Variants in KIF16B observed in about 807,000 individuals in gnomAD.
KIF16B encodes the protein kinesin-like protein KIF16B.
KIF16B carries 98 observed loss-of-function variants against 156.3 expected under a neutral mutation model. That is an observed-to-expected ratio of 0.63 (90% CI 0.53 to 0.74). The LOEUF is 0.74. Ranked by LOEUF, KIF16B falls within the 30% of genes least tolerant of loss-of-function variation. KIF16B has a pLI of 0.00. For missense variants in KIF16B, 1,421 were observed against 1,606.5 expected (o/e 0.88, Z 1.97); for synonymous variants, 564 against 583.7 (o/e 0.97, Z 0.49).
intron 1 of KIF16B, among the ~76,000 whole-genome samples, chr20:16,530,270 G>A (rs760673504): frequency 5.9e-5 from 9 of 152,278 alleles, no homozygotes; most frequent in East Asian, 1.9e-4. Context: ...TGTCGTGTGC[G>A]ATCCTTGCCC....
intron 23 of KIF16B, among the ~76,000 whole-genome samples, chr20:16,354,551 C>T (rs1472631558): frequency 6.6e-6 from 1 of 151,528 alleles, no homozygotes; most frequent in Non-Finnish European, 1.5e-5. Context: ...AGAAATTGAC[C>T]AGGAGATAGA....
chr20:16,356,414 G>C lies in KIF16B; in HGVS notation c.3537C>G (p.Asp1179Glu), dbSNP rs767299629. 3 of 1,614,114 alleles carry C rather than the reference G, an allele frequency of 1.9e-6. No homozygotes were observed. In the East Asian group the frequency reaches 6.7e-5, roughly 36 times the overall value. Residue 1179 changes from aspartate (D) to glutamate (E), a missense_variant, in exon 23 of 26, where the codon GAC becomes GAG. Coordinates refer to ENST00000354981, the MANE Select transcript of KIF16B (RefSeq NM_024704.5). Reference sequence around the variant, plus strand: ...TACTAATTTTAATTGGGTCCTTCAGGTCATCTGGATTTGCGCCCAAAGAGC... The same window carrying C: ...TACTAATTTTAATTGGGTCCTTCAGCTCATCTGGATTTGCGCCCAAAGAGC... ...VSRSLGANPD[D>E]LKDPIKISIP...
chr20:16,401,085 G>GAGAA (rs11472859), intron 17 of KIF16B, among the ~76,000 whole-genome samples: 73,253 of 151,592 alleles, frequency 0.48, 18,767 homozygotes, highest in East Asian at 0.69. Flanking sequence ...GGGAACCAGA[G>GAGAA]AGAAAGTATG....
At chr20:16,401,069 G>C (rs1240955010) in intron 17 of KIF16B, among the ~76,000 whole-genome samples, 1 of 140,754 alleles carries the variant, frequency 7.1e-6, no homozygotes, top group South Asian at 2.4e-4. Flanking sequence ...CAAGTTGCAG[G>C]GGCCTGGGAA....
intron 1 of KIF16B, among the ~76,000 whole-genome samples, chr20:16,550,184 G>A (rs370351878): frequency 0.12 from 15,012 of 125,156 alleles, 1,125 homozygotes; most frequent in Admixed American, 0.17. Flanking sequence ...AAAAGTGGGC[G>A]AAGGACATGA....
intron 1 of KIF16B, among the ~76,000 whole-genome samples, chr20:16,535,450 C>T (rs1015886929): frequency 3.3e-5 from 5 of 152,160 alleles, no homozygotes; most frequent in Non-Finnish European, 5.9e-5. Context: ...GACAATTTGA[C>T]TTCCTCTTTT....
intron 22 of KIF16B, among the ~76,000 whole-genome samples, chr20:16,357,453 C>T (rs2064465680): frequency 6.6e-6 from 1 of 152,204 alleles, no homozygotes. Flanking sequence ...TTTCATCACA[C>T]TACTCTAGAT....
At chr20:16,451,764 G>T (rs1185389652) in intron 12 of KIF16B, among the ~76,000 whole-genome samples, 1 of 148,748 alleles carries the variant, frequency 6.7e-6, no homozygotes, top group African/African-American at 2.4e-5. Flanking sequence ...TAGAAATACT[G>T]GGGACCAAAC....
intron 17 of KIF16B, among the ~76,000 whole-genome samples, chr20:16,385,712 T>C (rs1382214514): frequency 6.6e-6 from 1 of 151,716 alleles, no homozygotes; most frequent in East Asian, 1.9e-4. Context: ...GCCTGGGGAG[T>C]GGCAGCTGTA....
chr20:16,537,129 C>G (rs1031405146), intron 1 of KIF16B, among the ~76,000 whole-genome samples: 1 of 152,142 alleles, frequency 6.6e-6, no homozygotes, highest in African/African-American at 2.4e-5. Flanking sequence ...TTCCATAAAA[C>G]ACATCTCACC....
rs150529148 is a variant in KIF16B at position 16,272,270 on chromosome 20, T to C, written c.*983A>G. On this transcript the variant is annotated 3_prime_UTR_variant, in exon 26 of 26. Transcript: ENST00000354981. The stretch of plus-strand genomic sequence containing the variant: ...ATAGAATTATATACATTTGAGTATA[T>C]ACCACATACATATTTTTTCCACTCA... 2,376 of 152,758 alleles carry C rather than the reference T, an allele frequency of 0.016. 31 individuals carry two copies. Among genetic ancestry groups the C allele is most frequent in the Non-Finnish European group, 0.024 (1,603 of 68,030 alleles). 9.5% of individuals were successfully genotyped at this position (152,758 alleles called of 1,614,324 possible).
At chr20:16,477,235 G>A (rs1432605208) in intron 12 of KIF16B, among the ~76,000 whole-genome samples, 1 of 143,144 alleles carries the variant, frequency 7.0e-6, no homozygotes, top group South Asian at 2.2e-4. Context: ...GGGGAAGACA[G>A]TGAGGAGTTT....
rs1193099858 is a variant in KIF16B at position 16,273,240 on chromosome 20, A to G, written c.*13T>C. ...AAGGCACTGCTGTGGTGGTTCCTCC[A>G]TCACCCCTGGCTCTACCCCGTCCCG... On this transcript the variant is annotated 3_prime_UTR_variant, in exon 26 of 26. Transcript: ENST00000354981. The G allele has an allele frequency of 1.2e-6, 2 of 1,612,856 alleles. No homozygotes were observed. The highest frequency in any genetic ancestry group is 2.2e-5 in the South Asian group (2 of 91,000).
At chr20:16,539,682 C>T (rs1232638234) in intron 1 of KIF16B, among the ~76,000 whole-genome samples, 1 of 152,202 alleles carries the variant, frequency 6.6e-6, no homozygotes, top group African/African-American at 2.4e-5. Context: ...GCCTGCAGAA[C>T]CATGAGCCAA....
intron 25 of KIF16B, among the ~76,000 whole-genome samples, chr20:16,295,109 C>T (rs6111028): frequency 0.26 from 39,304 of 152,134 alleles, 5,327 homozygotes; most frequent in Non-Finnish European, 0.28. Context: ...ATGACTAATA[C>T]ACCAAACCTA....
chr20:16,438,197 C>G lies in KIF16B; in HGVS notation c.1303-8215G>C, dbSNP rs373546723. On this transcript the variant is annotated intron_variant, in intron 12 of 25. Coordinates refer to ENST00000354981, the MANE Select transcript of KIF16B (RefSeq NM_024704.5). ...ACAAAAACCAATTAGCTCTGAAACC[C>G]TGAAAGTAAGCAACAAGCTGGCGTT... Among the ~76,000 whole-genome samples, 23 of 152,036 alleles carry G rather than the reference C, an allele frequency of 1.5e-4. No individual in the cohort carries two copies. The East Asian group carries it at 4.3e-3, about 28-fold the overall frequency.
intron 1 of KIF16B, among the ~76,000 whole-genome samples, chr20:16,568,576 G>A (rs143886295): frequency 1.3e-5 from 2 of 152,192 alleles, no homozygotes; most frequent in Admixed American, 1.3e-4. Context: ...CATTCTGGGA[G>A]GCCAAGGTGG....
At chr20:16,431,156 G>A (rs1181669573) in intron 12 of KIF16B, among the ~76,000 whole-genome samples, 1 of 151,968 alleles carries the variant, frequency 6.6e-6, no homozygotes, top group South Asian at 2.1e-4. Flanking sequence ...CCCGCAGCAC[G>A]TGCCTCTGGC....
intron 15 of KIF16B, among the ~76,000 whole-genome samples, chr20:16,416,699 C>T (rs912996766): frequency 3.3e-5 from 5 of 150,504 alleles, no homozygotes; most frequent in African/African-American, 4.9e-5. Flanking sequence ...CAAACCTGCA[C>T]ATCCTGCATA....
Sources: allele counts gnomAD v4.1 joint callset (sites outside exome capture counted in the v4.1 genomes callset), GRCh38; gene constraint gnomAD v4.1.1; transcripts MANE v1.5; gene names NCBI Gene and HGNC (gene_info 2026-07-23, HGNC 2026-07-21).